The following ROBO2 variants were observed in gnomAD, a reference collection of about 807,000 sequenced individuals.
ROBO2 encodes the protein roundabout guidance receptor 2, also known as roundabout homolog 2.
ROBO2 carries 53 observed loss-of-function variants against 160.8 expected under a neutral mutation model. That is an observed-to-expected ratio of 0.33 (90% CI 0.26 to 0.41). The LOEUF is 0.41. Among genes scored for constraint, ROBO2 ranks in the 10% least tolerant of loss-of-function variants. The pLI, the probability that ROBO2 is intolerant of heterozygous loss-of-function variation, is 1.00. For synonymous variants in ROBO2, 664 were observed against 611.7 expected (o/e 1.09, Z -1.26); for missense variants, 1,577 against 1,722.4 (o/e 0.92, Z 1.49).
intron 2 of ROBO2, among the ~76,000 whole-genome samples, chr3:77,241,210 A>G (rs2088990453): frequency 6.6e-6 from 1 of 152,238 alleles, no homozygotes; most frequent in South Asian, 2.1e-4. Flanking sequence ...CTGGTTGCCA[A>G]GATAGTAATA....
chr3:76,538,882 A>G (rs35190631), intron 2 of ROBO2, among the ~76,000 whole-genome samples: 8,334 of 152,258 alleles, frequency 0.055, 325 homozygotes, highest in Non-Finnish European at 0.087. Flanking sequence ...AATATCTGTA[A>G]TATATCTAGT....
intron 2 of ROBO2, among the ~76,000 whole-genome samples, chr3:76,408,189 G>C (rs781683038): frequency 6.6e-6 from 1 of 152,046 alleles, no homozygotes; most frequent in Non-Finnish European, 1.5e-5. Flanking sequence ...TCAACATTTT[G>C]CTTAATTCAG....
intron 2 of ROBO2, among the ~76,000 whole-genome samples, chr3:76,603,212 G>C (rs1307016778): frequency 6.6e-6 from 1 of 150,410 alleles, no homozygotes; most frequent in Non-Finnish European, 1.5e-5. Context: ...GGTACCTGTA[G>C]TCCCAGCTAC....
chr3:76,317,281 T>C (rs2072112378), intron 2 of ROBO2, among the ~76,000 whole-genome samples: 1 of 152,232 alleles, frequency 6.6e-6, no homozygotes, highest in South Asian at 2.1e-4. Flanking sequence ...ACACATTTCT[T>C]ACTTTTAGCC....
At chr3:76,248,605 A>G (rs562783774) in intron 2 of ROBO2, among the ~76,000 whole-genome samples, 1 of 151,918 alleles carries the variant, frequency 6.6e-6, no homozygotes, top group African/African-American at 2.4e-5. Flanking sequence ...ACTAACCTGC[A>G]CAATGTGCAC....
rs551021403 is a variant in ROBO2, at chr3:77,114,781, A to AT, written c.388+16448dup. Among the ~76,000 whole-genome samples the AT allele has an allele frequency of 3.9e-3, 598 of 152,162 alleles. 7 individuals carry two copies. The highest frequency in any genetic ancestry group is 0.014 in the Middle Eastern group (4 of 292). The stretch of plus-strand genomic sequence containing the variant: ...ATTTTTTTAAAAAAGCAAAGAAGTA[A>AT]TTTTTTTACTCATATATTTGACTTA... On this transcript the variant is annotated intron_variant, in intron 2 of 25. Coordinates refer to ENST00000461745, the Ensembl canonical transcript of ROBO2.
intron 13 of ROBO2, among the ~76,000 whole-genome samples, chr3:77,571,534 G>T (rs752125500): frequency 2.5e-4 from 38 of 152,082 alleles, no homozygotes; most frequent in Non-Finnish European, 4.3e-4. Context: ...AGTTTAAGAG[G>T]TTGAAGCCTA....
intron 2 of ROBO2, among the ~76,000 whole-genome samples, chr3:77,442,113 C>T (rs2079989494): frequency 6.6e-6 from 1 of 152,004 alleles, no homozygotes; most frequent in Non-Finnish European, 1.5e-5. Context: ...GAAATCGAGA[C>T]CATCCTGGCT....
At chr3:76,977,654 G>C (rs961389991) in intron 2 of ROBO2, among the ~76,000 whole-genome samples, 3 of 152,056 alleles carry the variant, frequency 2.0e-5, no homozygotes, top group African/African-American at 7.2e-5. Flanking sequence ...TTAAACTTCT[G>C]ATAAGAGGAA....
intron 2 of ROBO2, among the ~76,000 whole-genome samples, chr3:76,281,026 A>G (rs1708204795): frequency 6.6e-6 from 1 of 151,982 alleles, no homozygotes; most frequent in African/African-American, 2.4e-5. Flanking sequence ...TTGATGCCAT[A>G]GTTTCACTTC....
In ROBO2 at chr3:76,603,460, T is replaced by C. The variant is rs1185858838; in HGVS notation, c.110-494554T>C. ...ATTCTTAAAGAATTAGAAAATATAA[T>C]TAAGCAAAAACAAATAGACCAATAA... On this transcript the variant is annotated intron_variant, in intron 2 of 26. Coordinates refer to the ROBO2 transcript ENST00000487694. Among the ~76,000 whole-genome samples, 6 of 146,368 alleles carry C rather than the reference T, an allele frequency of 4.1e-5. No individual in the cohort carries two copies. The East Asian group carries it at 1.2e-3, about 30-fold the overall frequency.
intron 2 of ROBO2, among the ~76,000 whole-genome samples, chr3:76,352,552 A>C (rs774158971): frequency 6.6e-6 from 1 of 152,040 alleles, no homozygotes; most frequent in Non-Finnish European, 1.5e-5. Context: ...GATTTGAATG[A>C]AAATGAGTTG....
intron 2 of ROBO2, among the ~76,000 whole-genome samples, chr3:76,941,150 T>A (rs946142647): frequency 1.3e-5 from 2 of 151,466 alleles, no homozygotes; most frequent in African/African-American, 2.5e-5. Context: ...CAAACTAGGT[T>A]TCAAATGATT....
intron 2 of ROBO2, among the ~76,000 whole-genome samples, chr3:76,882,116 G>T (rs1238982656): frequency 1.3e-5 from 2 of 150,890 alleles, no homozygotes; most frequent in Non-Finnish European, 2.9e-5. Flanking sequence ...GTGTGTGTCT[G>T]TGTGTGTGTC....
intron 2 of ROBO2, among the ~76,000 whole-genome samples, chr3:76,917,907 T>C (rs1328625594): frequency 1.3e-5 from 2 of 152,158 alleles, no homozygotes; most frequent in Non-Finnish European, 2.9e-5. Flanking sequence ...AAATACAACT[T>C]ATGTTTTCTA....
intron 2 of ROBO2, among the ~76,000 whole-genome samples, chr3:76,942,491 TGA>T (rs1244103520): frequency 2.0e-5 from 3 of 152,228 alleles, no homozygotes; most frequent in Non-Finnish European, 4.4e-5. Context: ...GAAGCACCAC[TGA>T]TGTTTGAAGA....
At chr3:76,608,636 G>C (rs910163227) in intron 2 of ROBO2, among the ~76,000 whole-genome samples, 7 of 152,110 alleles carry the variant, frequency 4.6e-5, no homozygotes, top group South Asian at 2.1e-4. Flanking sequence ...TATTATTCAA[G>C]AAATCTTTGC....
At chr3:76,602,104 C>A (rs2087196675) in intron 2 of ROBO2, among the ~76,000 whole-genome samples, 1 of 152,208 alleles carries the variant, frequency 6.6e-6, no homozygotes, top group Non-Finnish European at 1.5e-5. Context: ...TCATCTCCAT[C>A]TGAGACTACC....
intron 2 of ROBO2, among the ~76,000 whole-genome samples, chr3:76,328,441 G>A (rs2073196513): frequency 6.6e-6 from 1 of 152,118 alleles, no homozygotes; most frequent in South Asian, 2.1e-4. Flanking sequence ...TAATTTCCTA[G>A]TATAACATAT....
Sources: gnomAD v4.1 joint callset for allele counts (sites outside exome capture counted in the v4.1 genomes callset) on GRCh38, gnomAD v4.1.1 for gene constraint, MANE v1.5 for transcripts, NCBI Gene and HGNC (gene_info 2026-07-23, HGNC 2026-07-21) for gene names.